NUMA1: variants seen among roughly 807,000 people sequenced by gnomAD.
NUMA1 encodes SP-H antigen.
A neutral mutation model predicts 237.1 loss-of-function variants in NUMA1; 62 were observed. The ratio of observed to expected loss-of-function variants is 0.26; its 90% CI spans 0.21 to 0.32. NUMA1 has a LOEUF of 0.32. Ranked by LOEUF, NUMA1 falls within the 10% of genes least tolerant of loss-of-function variation. The probability of loss-of-function intolerance (pLI) is 1.00; values close to 1 mark genes in which losing one functional copy is unlikely to be tolerated. For missense variants in NUMA1, 2,533 were observed against 2,666.5 expected, an observed-to-expected ratio of 0.95 and a Z score of 1.10; for synonymous variants, 1,028 against 1,066.1, an observed-to-expected ratio of 0.96 and a Z score of 0.70.
At chr11:72,038,564 C>A (rs1269918451) in intron 2 of NUMA1, among the ~76,000 whole-genome samples, 1 of 152,100 alleles carries the variant, frequency 6.6e-6, no homozygotes, top group African/African-American at 2.4e-5. Flanking sequence ...ACAGCTAAGT[C>A]TTCTACATTG....
chr11:72,015,630 G>C lies in NUMA1; in HGVS notation c.1873C>G (p.Gln625Glu), dbSNP rs1304827414. The C allele has an allele frequency of 6.2e-7, 1 of 1,613,756 alleles. No individual in the cohort carries two copies. Among genetic ancestry groups the C allele is most frequent in the South Asian group, 1.1e-5 (1 of 91,088 alleles). Reference sequence around the variant, plus strand: ...CTGTCCCGGGCTTCATTAGCCACCTGAAGTTGCTGCTGCAGAATCTCCAGC... The same window carrying C: ...CTGTCCCGGGCTTCATTAGCCACCTCAAGTTGCTGCTGCAGAATCTCCAGC... ...AKLEILQQQL[Q>E]VANEARDSAQ... The change falls in exon 15 of 27, where the codon CAG becomes GAG. Residue 625 changes from glutamine (Q) to glutamate (E), a missense_variant. Around this residue, in one of 3 missense-constraint regions of NUMA1, gnomAD observed 1,414 missense variants for 1,508.1 expected, o/e 0.94. Transcript: ENST00000393695. The surrounding 1 kb of genome is among the most constrained non-coding windows in gnomAD (Gnocchi z 4.0).
chr11:72,022,880 T>A (rs998902124), intron 6 of NUMA1, among the ~76,000 whole-genome samples, 185 bp downstream of exon 6: 1 of 152,058 alleles, frequency 6.6e-6, no homozygotes, highest in African/African-American at 2.4e-5. Context: ...GCTCCTAGAA[T>A]CCTTGGGCTA....
intron 4 of NUMA1, among the ~76,000 whole-genome samples, chr11:72,028,025 G>C (rs745406696): frequency 2.6e-5 from 4 of 152,172 alleles, no homozygotes; most frequent in Non-Finnish European, 5.9e-5. Flanking sequence ...GTCCTGGTTA[G>C]AGCCATATGG....
At chr11:72,012,871 G>A (rs533445504) in intron 15 of NUMA1, 24 bp downstream of exon 15, 26 of 1,605,408 alleles carry the variant, frequency 1.6e-5, no homozygotes, top group Non-Finnish European at 2.1e-5. Flanking sequence ...ATCTTTGGGA[G>A]GGTGGTTGGG....
chr11:72,058,706 A>G (rs772431725), intron 2 of NUMA1, among the ~76,000 whole-genome samples: 10 of 152,186 alleles, frequency 6.6e-5, no homozygotes, highest in Non-Finnish European at 1.3e-4. Context: ...ACAGAGAGCA[A>G]AGTAACTTGG....
At chr11:72,010,565 G>C (rs1023125457) in intron 17 of NUMA1, among the ~76,000 whole-genome samples, 1 of 152,216 alleles carries the variant, frequency 6.6e-6, no homozygotes, top group African/African-American at 2.4e-5. Context: ...AGTAGCTGCT[G>C]AAGTGGACAG....
chr11:72,026,230 C>T (rs1481367558), intron 4 of NUMA1, among the ~76,000 whole-genome samples: 1 of 152,228 alleles, frequency 6.6e-6, no homozygotes, highest in Non-Finnish European at 1.5e-5. Flanking sequence ...TCCACAACTC[C>T]TGCCAGTCAT....
Position 72,005,831 on chromosome 11 carries a change from T to C in NUMA1, c.5692+204A>G, listed in dbSNP as rs1955647513. On this transcript the variant is annotated intron_variant, in intron 22 of 26. Coordinates refer to ENST00000393695, the MANE Select transcript of NUMA1 (RefSeq NM_006185.4). The stretch of plus-strand genomic sequence containing the variant: ...GCTGGGAATCCCGGGCCCTTAACTC[T>C]GGCTAAGAGTGCCCCCAACACAGCC... 8 of 579,538 alleles carry C rather than the reference T, an allele frequency of 1.4e-5. No individual in the cohort carries two copies. In the South Asian group the frequency reaches 1.8e-4, roughly 13 times the overall value. 35.9% of individuals were successfully genotyped at this position (579,538 alleles called of 1,614,324 possible).
chr11:72,008,224 A>G, intron 20 of NUMA1: 1 of 428,696 alleles, frequency 2.3e-6, no homozygotes, highest in South Asian at 1.7e-5. Context: ...TATTAGAATA[A>G]TCTTTTTAAG....
At chr11:72,031,675 G>C (rs2135575161) in intron 3 of NUMA1, among the ~76,000 whole-genome samples, 1 of 152,086 alleles carries the variant, frequency 6.6e-6, no homozygotes, top group Admixed American at 6.5e-5. Flanking sequence ...GAGGTGGCTT[G>C]CGCCTGTATG....
At chr11:72,064,168 A>G (rs1230919316) in intron 2 of NUMA1, among the ~76,000 whole-genome samples, 2 of 152,162 alleles carry the variant, frequency 1.3e-5, no homozygotes, top group Admixed American at 6.5e-5. Flanking sequence ...AATGTTTTAA[A>G]TAAGTTTGGC....
At chr11:72,058,991 C>T (rs1296504551) in intron 2 of NUMA1, among the ~76,000 whole-genome samples, 1 of 152,168 alleles carries the variant, frequency 6.6e-6, no homozygotes, top group African/African-American at 2.4e-5. Flanking sequence ...TAATATAATA[C>T]GGAGGTATCT....
intron 1 of NUMA1, among the ~76,000 whole-genome samples, chr11:72,073,067 A>AAAAAAAAAAAAAC (rs1943537131): frequency 2.0e-5 from 3 of 146,772 alleles, no homozygotes; most frequent in East Asian, 2.0e-4. Context: ...AAAAAAAAAA[A>AAAAAAAAAAAAAC]AGCTGCCTAG....
At position 72,016,466 on chromosome 11, in the gene NUMA1, G is replaced by A; in HGVS notation, c.1184C>T (p.Ser395Phe). 1 of 1,614,086 alleles carries A rather than the reference G, an allele frequency of 6.2e-7. No homozygotes were observed. The highest frequency in any genetic ancestry group is 8.5e-7 in the Non-Finnish European group (1 of 1,180,042). ...CTGGGGTGGGTTATCCTGCAGCTGG[G>A]ACAAGTGTTCTTCCAGCTGTGAAAG... ...GKLSQLEEHL[S>F]QLQDNPPQEK... The change falls in exon 14 of 27, where the codon TCC becomes TTC. Residue 395 changes from serine (S) to phenylalanine (F), a missense_variant. Transcript: ENST00000393695.
rs17856414 is a variant in NUMA1 at position 72,013,322 on chromosome 11, C to A, written c.4181G>T (p.Gly1394Val). 1.9e-6 allele frequency: 3 copies of A among 1,605,936 alleles called. No homozygotes were observed. The highest frequency in any genetic ancestry group is 2.5e-6 in the Non-Finnish European group (3 of 1,179,808). Residue 1394 changes from glycine to valine, a missense_variant, in exon 15 of 27, where the codon GGA (glycine) becomes GTA (valine). Coordinates refer to ENST00000393695, the MANE Select transcript of NUMA1 (RefSeq NM_006185.4). The surrounding 1 kb of genome is among the most constrained non-coding windows in gnomAD (Gnocchi z 6.8). The part of the protein sequence containing the change: ...ELEQSKQAAG[G>V]LRAELLRAQR... ...GGCCCGCAGCAGCTCTGCCCGCAGT[C>A]CCCCAGCGGCCTGCTTGCTCTGCTC...
intron 2 of NUMA1, among the ~76,000 whole-genome samples, chr11:72,047,531 A>G (rs530608204): frequency 6.6e-6 from 1 of 152,266 alleles, no homozygotes; most frequent in East Asian, 1.9e-4. Flanking sequence ...GGAGAGTTCA[A>G]GTCCCCAGTC....
chr11:72,029,340 T>G (rs879539047), intron 3 of NUMA1, 50 bp from the exon 4 acceptor site: 4 of 1,098,792 alleles, frequency 3.6e-6, no homozygotes, highest in Non-Finnish European at 5.3e-6. Context: ...GCAACATGGT[T>G]TGCTCCTTTT....
intron 13 of NUMA1, chr11:72,017,310 C>T (rs1300972909): frequency 9.8e-6 from 3 of 305,124 alleles, no homozygotes; most frequent in Admixed American, 4.3e-5. Flanking sequence ...CTTTACACTA[C>T]ACGATGTGTG....
chr11:72,056,425 G>A (rs542670710), intron 2 of NUMA1, among the ~76,000 whole-genome samples: 6 of 150,342 alleles, frequency 4.0e-5, no homozygotes, highest in Non-Finnish European at 8.9e-5. Flanking sequence ...AGTTTCAAGC[G>A]ATTCTCCTGC....
Sources: gnomAD v4.1 joint callset for allele counts (sites outside exome capture counted in the v4.1 genomes callset) on GRCh38, gnomAD v4.1.1 for gene constraint, gnomAD v4.1.1 regional missense constraint, Gnocchi (gnomAD v3.1) non-coding constraint, MANE v1.5 for transcripts, NCBI Gene and HGNC (gene_info 2026-07-23, HGNC 2026-07-21) for gene names.